OPRM1: variants seen among roughly 807,000 people sequenced by gnomAD.
OPRM1 encodes the protein mu-type opioid receptor.
Under a neutral mutation model 31.8 loss-of-function variants are expected in OPRM1, and 27 were observed. The observed-to-expected ratio is 0.85, with a 90% CI of 0.63 to 1.17. The LOEUF (loss-of-function observed/expected upper bound fraction) is 1.17. Among genes scored for constraint, OPRM1 ranks in the 50% most tolerant of loss-of-function variants. OPRM1 has a pLI of 0.00. For synonymous variants in OPRM1, 196 were observed against 189.9 expected, an observed-to-expected ratio of 1.03 and a Z score of -0.26; for missense variants, 536 against 511.1, an observed-to-expected ratio of 1.05 and a Z score of -0.47.
chr6:154,100,148 C>T lies in OPRM1; in HGVS notation c.1164+8676C>T, dbSNP rs1242121218. On this transcript the variant is annotated intron_variant, in intron 3 of 3. Transcript: ENST00000330432. ...TATTATGACATATAATATATATTAT[C>T]ATATTATGACGTATCATAATATATA... 1.1e-4 allele frequency among the ~76,000 whole-genome samples: 9 copies of T among 85,426 alleles called. 1 individual carries two copies. Among genetic ancestry groups the T allele is most frequent in the African/African-American group, 5.3e-4 (9 of 17,136 alleles). The allele number at this position is 85,426 out of a possible 152,430, so 56.0% of individuals were successfully genotyped here. A position where few individuals can be genotyped will look rare whatever the true frequency, so the allele number is the denominator to read the frequency against.
rs768132090 is a variant in OPRM1, at chr6:154,077,200, C to T, written c.291-12626C>T. On this transcript the variant is annotated intron_variant, in intron 1 of 3. Transcript: ENST00000330432. ...ACATACTCTATTTTCCCTGCTTCTTCAAGTTTCCATTGCTACAACATAATT... is the reference window on the plus strand; with the variant it reads ...ACATACTCTATTTTCCCTGCTTCTTTAAGTTTCCATTGCTACAACATAATT... Among the ~76,000 whole-genome samples, 23 of 152,064 alleles carry T rather than the reference C, an allele frequency of 1.5e-4. 1 individual carries two copies. Among genetic ancestry groups the T allele is most frequent in the Admixed American group, 1.3e-4 (2 of 15,270 alleles).
In OPRM1 at chr6:154,152,347, G is replaced by GAAAGAAAAGAAAGAAAGAAA; in HGVS notation, c.1164+60875_1164+60876insAAAGAAAAGAAAGAAAGAAA. On this transcript the variant is annotated intron_variant, in intron 3 of 3. Transcript: ENST00000337049. ...AGAAAGAAAGAAAGAAAGAAAGAAA[G>GAAAGAAAAGAAAGAAAGAAA]GAAAGAAAGAAAGAAAGAAAGAAAG... Among the ~76,000 whole-genome samples, 110 of 65,196 alleles carry GAAAGAAAAGAAAGAAAGAAA rather than the reference G, an allele frequency of 1.7e-3. 1 individual carries two copies. The highest frequency in any genetic ancestry group is 3.2e-3 in the South Asian group (5 of 1,572). The allele number at this position is 65,196 out of a possible 152,430, so 42.8% of individuals were successfully genotyped here.
upstream of OPRM1, among the ~76,000 whole-genome samples, chr6:154,037,798 G>A (rs12205732): frequency 0.059 from 9,026 of 152,040 alleles, 371 homozygotes; most frequent in African/African-American, 0.11. Flanking sequence ...AAAGTAACAT[G>A]TCCAAACTCA....
chr6:154,198,976 C>T (rs553582417), intron 3 of OPRM1, among the ~76,000 whole-genome samples: 10 of 152,268 alleles, frequency 6.6e-5, no homozygotes, highest in African/African-American at 2.2e-4. Flanking sequence ...AGATACGTCA[C>T]GATTGAACAG....
exon 1 of OPRM1, chr6:154,010,697 C>A: frequency 6.9e-7 from 1 of 1,442,920 alleles, no homozygotes; most frequent in Middle Eastern, 1.8e-4. Context: ...CCGGGTCAGA[C>A]AGGCTTCTGG....
chr6:154,193,294 A>G (rs965755877), intron 3 of OPRM1, among the ~76,000 whole-genome samples: 1 of 152,198 alleles, frequency 6.6e-6, no homozygotes, highest in Non-Finnish European at 1.5e-5. Flanking sequence ...GTATGTTCTC[A>G]CTCATAAGTG....
Position 154,126,045 on chromosome 6 carries a change from G to A in OPRM1, c.*7324G>A, listed in dbSNP as rs55914623. Among the ~76,000 whole-genome samples, 2,433 of 6,924 alleles carry A rather than the reference G, an allele frequency of 0.35. 987 individuals carry two copies. The highest frequency in any genetic ancestry group is 0.4 in the African/African-American group (2,320 of 5,768). The allele number at this position is 6,924 out of a possible 152,430, so 4.5% of individuals were successfully genotyped here. ...TCTCGATCTCCTGACCTCGTGATCC[G>A]CCCGCCTCGGCCTCCCAAAGTGCTG... On this transcript the variant is annotated 3_prime_UTR_variant, in exon 4 of 4. Transcript: ENST00000330432.
At chr6:154,090,712 C>G (rs17181213) in intron 2 of OPRM1, among the ~76,000 whole-genome samples, 1 of 151,998 alleles carries the variant, frequency 6.6e-6, no homozygotes, top group Non-Finnish European at 1.5e-5. Context: ...GTTCCCTGAA[C>G]GAAAGCTTAA....
At chr6:154,094,612 G>A (rs1180289504) in intron 3 of OPRM1, among the ~76,000 whole-genome samples, 1 of 152,158 alleles carries the variant, frequency 6.6e-6, no homozygotes, top group African/African-American at 2.4e-5. Context: ...GCTCCACATG[G>A]ACTCTTACCG....
intron 1 of OPRM1, 94 bp downstream of exon 1, chr6:154,039,928 G>A: frequency 1.7e-6 from 2 of 1,167,794 alleles, no homozygotes; most frequent in Non-Finnish European, 1.2e-6. Flanking sequence ...TTGGGCGGGA[G>A]GATGAAAGAG....
chr6:154,023,811 T>C (rs1778527148), intron 1 of OPRM1, among the ~76,000 whole-genome samples: 1 of 152,250 alleles, frequency 6.6e-6, no homozygotes, highest in Non-Finnish European at 1.5e-5. Context: ...TATGATCATA[T>C]GGTTTTTGGC....
intron 1 of OPRM1, among the ~76,000 whole-genome samples, chr6:154,025,861 G>A (rs1778665705): frequency 6.6e-6 from 1 of 151,926 alleles, no homozygotes; most frequent in Non-Finnish European, 1.5e-5. Context: ...TTAACATTTT[G>A]TTGTTTCTAT....
At chr6:154,086,515 T>C (rs535029421) in intron 1 of OPRM1, 1 of 934,026 alleles carries the variant, frequency 1.1e-6, no homozygotes, top group East Asian at 1.2e-4. Context: ...ATGGCTAGCA[T>C]GCTAATTAAC....
At position 154,228,103 on chromosome 6, in the gene OPRM1, C is replaced by CTATT. The variant is rs1269131469; in HGVS notation, c.1165-18589_1165-18586dup. 4.6e-5 allele frequency among the ~76,000 whole-genome samples: 7 copies of CTATT among 152,190 alleles called. No individual in the cohort carries two copies. The South Asian group carries it at 8.3e-4, about 18-fold the overall frequency. On this transcript the variant is annotated intron_variant, in intron 3 of 3. Transcript: ENST00000337049. Reference sequence around the variant, plus strand: ...TCCGCTTCTCCAGATCCCCTGTTGCCTATTATATTAACTAAAATAACTTTG... The same window carrying CTATT: ...TCCGCTTCTCCAGATCCCCTGTTGCCTATTTATTATATTAACTAAAATAACTTTG...
intron 3 of OPRM1, chr6:154,107,683 C>T (rs1027013389): frequency 3.2e-5 from 23 of 718,344 alleles, no homozygotes; most frequent in Non-Finnish European, 4.7e-5. Context: ...AAGGTACTGC[C>T]GTGTGGTTAA....
intron 3 of OPRM1, among the ~76,000 whole-genome samples, chr6:154,207,024 T>A (rs1348905739): frequency 3.3e-5 from 5 of 152,192 alleles, no homozygotes; most frequent in African/African-American, 7.2e-5. Flanking sequence ...CAGAACCGCA[T>A]CTTAGGAAGA....
At chr6:154,170,041 C>A (rs1350277565) in intron 3 of OPRM1, among the ~76,000 whole-genome samples, 1 of 152,134 alleles carries the variant, frequency 6.6e-6, no homozygotes, top group Non-Finnish European at 1.5e-5. Flanking sequence ...AATATGTTAC[C>A]CATGTTAAGC....
At chr6:154,071,516 C>G (rs1200941390) in intron 1 of OPRM1, among the ~76,000 whole-genome samples, 2 of 152,040 alleles carry the variant, frequency 1.3e-5, no homozygotes, top group African/African-American at 2.4e-5. Flanking sequence ...ATTATCCATG[C>G]TCACCAGCGA....
chr6:154,163,976 A>G (rs1485918553), intron 3 of OPRM1, among the ~76,000 whole-genome samples: 3 of 152,224 alleles, frequency 2.0e-5, no homozygotes, highest in South Asian at 2.1e-4. Flanking sequence ...CCAAAAGAGC[A>G]TATTTCTTCT....
Sources: allele counts gnomAD v4.1 joint callset (sites outside exome capture counted in the v4.1 genomes callset), GRCh38; gene constraint gnomAD v4.1.1; transcripts MANE v1.5; gene names NCBI Gene and HGNC (gene_info 2026-07-23, HGNC 2026-07-21).